Variants in ADAMTSL1 observed in about 807,000 individuals in gnomAD.
ADAMTSL1 encodes the protein ADAMTS-like protein 1.
Under a neutral mutation model 201.8 loss-of-function variants are expected in ADAMTSL1, and 126 were observed. The ratio of observed to expected loss-of-function variants is 0.62; its 90% CI spans 0.54 to 0.72. ADAMTSL1 has a LOEUF of 0.72. ADAMTSL1 is among the 30% of genes least tolerant of loss of function. The probability of loss-of-function intolerance (pLI) is 0.00; values close to 1 mark genes in which losing one functional copy is unlikely to be tolerated. For synonymous variants in ADAMTSL1, 1,121 were observed against 903.4 expected (o/e 1.24, Z -4.32); for missense variants, 2,679 against 2,277.8 (o/e 1.18, Z -3.59).
intron 2 of ADAMTSL1, among the ~76,000 whole-genome samples, chr9:18,462,171 G>T (rs1404945377): frequency 6.6e-6 from 1 of 152,012 alleles, no homozygotes; most frequent in Non-Finnish European, 1.5e-5. Flanking sequence ...ACAGAATATA[G>T]GTCTACATTT....
At chr9:18,512,331 C>T (rs1050271611) in intron 2 of ADAMTSL1, among the ~76,000 whole-genome samples, 3 of 151,998 alleles carry the variant, frequency 2.0e-5, no homozygotes, top group African/African-American at 7.2e-5. Context: ...TGGTTTATCC[C>T]ATAAGCCAAT....
At chr9:18,603,893 A>G (rs1824832313) in intron 4 of ADAMTSL1, among the ~76,000 whole-genome samples, 1 of 152,230 alleles carries the variant, frequency 6.6e-6, no homozygotes, top group Non-Finnish European at 1.5e-5. Context: ...AATTGGTGCC[A>G]CAAAGAAAAG....
At chr9:18,672,712 C>A (rs1829896209) in intron 9 of ADAMTSL1, among the ~76,000 whole-genome samples, 1 of 152,146 alleles carries the variant, frequency 6.6e-6, no homozygotes, top group African/African-American at 2.4e-5. Flanking sequence ...ACTCAAAAAC[C>A]ATTATGTCCA....
intron 1 of ADAMTSL1, among the ~76,000 whole-genome samples, chr9:18,495,692 C>T (rs561646676): frequency 6.6e-6 from 1 of 152,326 alleles, no homozygotes; most frequent in Non-Finnish European, 1.5e-5. Context: ...GCTACTGCTT[C>T]TTAGAACAAA....
Position 18,905,785 on chromosome 9 carries a change from A to C in ADAMTSL1, c.4855A>C (p.Asn1619His), listed in dbSNP as rs1312066591. 3.1e-6 allele frequency: 5 copies of C among 1,612,534 alleles called. No individual in the cohort carries two copies. In the African/African-American group the frequency reaches 6.7e-5, roughly 22 times the overall value. ...EWAFSSWGQC[N>H]GPCIGPHLAV... ...GTTACCTTTTTCTGCTTTCCAGTGC[A>C]ATGGGCCTTGCATCGGGCCTCACCT... Residue 1619 changes from asparagine (N) to histidine (H), a missense_variant, in exon 27 of 29, where the codon AAT (asparagine) becomes CAT (histidine). Physicochemically the swap from Asn to His is moderately conservative, Grantham distance 68. Coordinates refer to ENST00000380548, the MANE Select transcript of ADAMTSL1 (RefSeq NM_001040272.6).
intron 7 of ADAMTSL1, among the ~76,000 whole-genome samples, chr9:18,655,839 A>AAAAAAAAAAAAAAAAAATT (rs1353421587): frequency 1.1e-5 from 1 of 92,856 alleles, no homozygotes; most frequent in African/African-American, 3.6e-5. Context: ...AAAAAAAAAG[A>AAAAAAAAAAAAAAAAAATT]ACTTTCCAAG....
At chr9:18,340,682 A>G (rs913271336) in intron 2 of ADAMTSL1, among the ~76,000 whole-genome samples, 6 of 152,126 alleles carry the variant, frequency 3.9e-5, no homozygotes, top group Non-Finnish European at 7.4e-5. Context: ...GTGATAGTGA[A>G]TAAGTCTCAT....
intron 4 of ADAMTSL1, among the ~76,000 whole-genome samples, chr9:18,587,785 C>A (rs548019148): frequency 6.6e-6 from 1 of 152,130 alleles, no homozygotes; most frequent in Admixed American, 6.6e-5. Context: ...CCAGTTCCAT[C>A]CATATTGCTG....
intron 2 of ADAMTSL1, among the ~76,000 whole-genome samples, chr9:18,330,949 A>C (rs1835005401): frequency 6.6e-6 from 1 of 152,214 alleles, no homozygotes; most frequent in African/African-American, 2.4e-5. Flanking sequence ...AAAGAAGCTT[A>C]CGTAGCTGGA....
chr9:18,795,309 T>G, intron 19 of ADAMTSL1, 88 bp from the exon 20 acceptor site: 1 of 1,557,526 alleles, frequency 6.4e-7, no homozygotes, highest in East Asian at 2.2e-5. Context: ...GCATACACCC[T>G]GAGGTTCCTT....
chr9:18,718,512 G>A, intron 14 of ADAMTSL1: 1 of 554,624 alleles, frequency 1.8e-6, no homozygotes, highest in Non-Finnish European at 3.6e-6. Context: ...AGAATGACTA[G>A]CTTATACTCA....
At position 18,892,537 on chromosome 9, in the gene ADAMTSL1, G is replaced by GAC. The variant is rs1426042628; in HGVS notation, c.4795_4796dup (p.Gln1600ProfsTer29). 1 of 1,586,248 alleles carries GAC rather than the reference G, an allele frequency of 6.3e-7. No homozygotes were observed. On this transcript the variant is annotated frameshift_variant, in exon 26 of 29. Transcript: ENST00000380548. LOFTEE classifies it high-confidence loss of function. Reference sequence around the variant, plus strand: ...CACCCAGGTCGCCAAGCGGCCTGTGGACACCCAGGCCTGTAACCAGCAGCT... The same window carrying GAC: ...CACCCAGGTCGCCAAGCGGCCTGTGGACACACCCAGGCCTGTAACCAGCAGCT...
chr9:18,273,339 T>TC (rs56006050), intron 2 of ADAMTSL1, among the ~76,000 whole-genome samples: 74,963 of 152,042 alleles, frequency 0.49, 19,709 homozygotes, highest in Middle Eastern at 0.61. Context: ...CGTTGGCCTC[T>TC]CAAAGTGCTG....
chr9:18,499,964 C>T (rs180704871), intron 1 of ADAMTSL1, among the ~76,000 whole-genome samples: 2 of 152,172 alleles, frequency 1.3e-5, no homozygotes, highest in Admixed American at 6.5e-5. Flanking sequence ...CCTGTATATG[C>T]GTGTCTCTGA....
chr9:18,681,704 G>GGGGC (rs1587882423), intron 11 of ADAMTSL1, 108 bp from the exon 12 acceptor site: 5 of 716,268 alleles, frequency 7.0e-6, no homozygotes, highest in African/African-American at 4.9e-5. Flanking sequence ...GTGTGGGGGG[G>GGGGC]GGGGGCGGGG....
chr9:17,944,478 T>C (rs540887720), intron 1 of ADAMTSL1, among the ~76,000 whole-genome samples: 217 of 152,218 alleles, frequency 1.4e-3, no homozygotes, highest in Admixed American at 2.0e-3. Context: ...AAAGTTCATA[T>C]GGAACCAAAA....
intron 2 of ADAMTSL1, among the ~76,000 whole-genome samples, chr9:18,380,209 A>G (rs1837495851): frequency 6.6e-6 from 1 of 152,082 alleles, no homozygotes; most frequent in Non-Finnish European, 1.5e-5. Context: ...TTATATTGTC[A>G]CTGTAAGACT....
At chr9:18,881,425 G>T (rs528370467) in intron 23 of ADAMTSL1, among the ~76,000 whole-genome samples, 7 of 152,282 alleles carry the variant, frequency 4.6e-5, no homozygotes, top group Middle Eastern at 3.4e-3. Flanking sequence ...GCATCTCAGG[G>T]GATAGGGAGG....
intron 11 of ADAMTSL1, 171 bp downstream of exon 11, chr9:18,680,687 T>A (rs1413455363): frequency 7.7e-6 from 5 of 646,068 alleles, no homozygotes; most frequent in Non-Finnish European, 1.3e-5. Flanking sequence ...TGACCAAAAG[T>A]AAATGATGTT....
Sources: allele counts gnomAD v4.1 joint callset (sites outside exome capture counted in the v4.1 genomes callset), GRCh38; gene constraint gnomAD v4.1.1; transcripts MANE v1.5; gene names NCBI Gene and HGNC (gene_info 2026-07-23, HGNC 2026-07-21).